RSPH9: variants seen among roughly 807,000 people sequenced by gnomAD.
RSPH9 encodes radial spoke head protein 9 homolog.
In RSPH9, 27 loss-of-function variants were observed where a neutral mutation model predicts 27.0. That is an observed-to-expected ratio of 1.00 (90% CI 0.74 to 1.38). The LOEUF (loss-of-function observed/expected upper bound fraction) is 1.38, where lower values mean the gene tolerates loss of function less well. Ranked by LOEUF, RSPH9 falls within the 40% of genes most tolerant of loss-of-function variation. The pLI, the probability that RSPH9 is intolerant of heterozygous loss-of-function variation, is 0.00. For missense variants in RSPH9, 347 were observed against 357.4 expected (o/e 0.97, Z 0.24); for synonymous variants, 145 against 147.7 (o/e 0.98, Z 0.13).
At chr6:43,650,562 A>C in intron 2 of RSPH9, 22 bp downstream of exon 2, 1 of 1,613,450 alleles carries the variant, frequency 6.2e-7, no homozygotes, top group Non-Finnish European at 8.5e-7. Context: ...GGAGAGCAGG[A>C]GGAGGGCCTA....
chr6:43,667,722 A>G (rs1252941636), intron 4 of RSPH9, among the ~76,000 whole-genome samples: 1 of 151,948 alleles, frequency 6.6e-6, no homozygotes, highest in African/African-American at 2.4e-5. Context: ...TAGGGGGTAT[A>G]TGATTCTTGT....
chr6:43,658,520 G>A (rs1235160938), intron 4 of RSPH9, among the ~76,000 whole-genome samples: 6 of 152,024 alleles, frequency 3.9e-5, no homozygotes, highest in East Asian at 1.9e-4. Context: ...CAATACTAAC[G>A]ATCACCTGAC....
At chr6:43,647,464 C>T (rs946390812) in intron 1 of RSPH9, among the ~76,000 whole-genome samples, 2 of 152,086 alleles carry the variant, frequency 1.3e-5, no homozygotes, top group African/African-American at 4.8e-5. Context: ...CGAGGGAATG[C>T]AGAGGAGGTG....
intron 2 of RSPH9, among the ~76,000 whole-genome samples, chr6:43,651,264 A>T (rs1771437379): frequency 6.6e-6 from 1 of 152,134 alleles, no homozygotes; most frequent in African/African-American, 2.4e-5. Context: ...AGGTTAAGTG[A>T]TGTGCCCAAG....
chr6:43,645,595 C>T (rs931040423), intron 1 of RSPH9, among the ~76,000 whole-genome samples: 1 of 152,146 alleles, frequency 6.6e-6, no homozygotes, highest in Non-Finnish European at 1.5e-5. Flanking sequence ...GCGATGTCCC[C>T]CGGAGGGCGG....
At chr6:43,646,664 CAAA>C (rs751591133) in intron 1 of RSPH9, among the ~76,000 whole-genome samples, 2 of 71,572 alleles carry the variant, frequency 2.8e-5, no homozygotes, top group Admixed American at 1.7e-4. Context: ...CTCATCACTA[CAAA>C]AAAAAAAAAA....
intron 1 of RSPH9, among the ~76,000 whole-genome samples, chr6:43,648,451 T>A (rs139609388): frequency 1.3e-5 from 2 of 152,344 alleles, no homozygotes; most frequent in East Asian, 3.9e-4. Context: ...GTGTGCTTAG[T>A]GTGTTTGTGG....
At chr6:43,667,395 C>G (rs970861842) in intron 4 of RSPH9, among the ~76,000 whole-genome samples, 3 of 150,986 alleles carry the variant, frequency 2.0e-5, no homozygotes, top group Non-Finnish European at 4.4e-5. Context: ...CAGCAATGCT[C>G]AGTTCAGGCA....
intron 1 of RSPH9, among the ~76,000 whole-genome samples, chr6:43,649,120 T>C (rs559096760): frequency 6.6e-6 from 1 of 152,262 alleles, no homozygotes; most frequent in African/African-American, 2.4e-5. Flanking sequence ...CAGCATTTTC[T>C]AGAAGGACAT....
chr6:43,645,671 A>G (rs1582373914), intron 1 of RSPH9, among the ~76,000 whole-genome samples: 2 of 152,226 alleles, frequency 1.3e-5, no homozygotes, highest in East Asian at 3.8e-4. Flanking sequence ...ATGGGTTTAT[A>G]AGAGAGACAG....
chr6:43,666,330 C>A, intron 4 of RSPH9: 1 of 1,037,474 alleles, frequency 9.6e-7, no homozygotes, highest in Non-Finnish European at 1.5e-6. Context: ...GGGCCAAAAT[C>A]CCAAGGAAGA....
chr6:43,655,321 A>AT (rs889134117), intron 2 of RSPH9, among the ~76,000 whole-genome samples: 10 of 152,130 alleles, frequency 6.6e-5, no homozygotes, highest in East Asian at 1.9e-4. Context: ...AGAAAGACTG[A>AT]TTTTTTCCTG....
intron 4 of RSPH9, among the ~76,000 whole-genome samples, chr6:43,661,603 G>A (rs1772625514): frequency 6.9e-6 from 1 of 144,730 alleles, no homozygotes; most frequent in African/African-American, 2.5e-5. Flanking sequence ...AGAGGTTGCA[G>A]TGAGCCAAGA....
At chr6:43,662,700 C>T (rs1772759769) in intron 4 of RSPH9, among the ~76,000 whole-genome samples, 1 of 152,190 alleles carries the variant, frequency 6.6e-6, no homozygotes, top group African/African-American at 2.4e-5. Context: ...TGTATGTTCA[C>T]TGGAGTTGCA....
At chr6:43,657,817 C>T (rs60066837) in intron 4 of RSPH9, among the ~76,000 whole-genome samples, 1,850 of 152,284 alleles carry the variant, frequency 0.012, 36 homozygotes, top group African/African-American at 0.04. Flanking sequence ...TCTACCTCAA[C>T]GAGTTATGAG....
In RSPH9 at chr6:43,656,164, C is replaced by T. The variant is rs548453731; in HGVS notation, c.524-413C>T. On this transcript the variant is annotated intron_variant, in intron 3 of 4. Transcript: ENST00000372163. The stretch of plus-strand genomic sequence containing the variant: ...GCAGTGGCACAATCTTGGCTCACTG[C>T]AACCCCTGCCTCCTGGGTTCAAGCG... 3.3e-5 allele frequency among the ~76,000 whole-genome samples: 5 copies of T among 150,078 alleles called. No individual in the cohort carries two copies. In the South Asian group the frequency reaches 1.1e-3, roughly 33 times the overall value.
chr6:43,667,319 T>G (rs1773241266), intron 4 of RSPH9, among the ~76,000 whole-genome samples: 1 of 152,252 alleles, frequency 6.6e-6, no homozygotes, highest in Non-Finnish European at 1.5e-5. Context: ...CACTCTGGGC[T>G]GGTGCAAAGG....
intron 2 of RSPH9, among the ~76,000 whole-genome samples, chr6:43,652,754 T>C (rs1429870364): frequency 6.7e-6 from 1 of 149,560 alleles, no homozygotes; most frequent in East Asian, 2.0e-4. Context: ...TTTTCACCAT[T>C]GTGGGAATGT....
At chr6:43,669,645 T>C (rs557287677) in intron 4 of RSPH9, among the ~76,000 whole-genome samples, 9 of 152,370 alleles carry the variant, frequency 5.9e-5, no homozygotes, top group Non-Finnish European at 2.9e-5. Context: ...TTTGCCTTTC[T>C]GGCAGGGCCT....
Sources: allele counts gnomAD v4.1 joint callset (sites outside exome capture counted in the v4.1 genomes callset), GRCh38; gene constraint gnomAD v4.1.1; transcripts MANE v1.5; gene names NCBI Gene and HGNC (gene_info 2026-07-23, HGNC 2026-07-21).